STK17B: variants seen among roughly 807,000 people sequenced by gnomAD.
The protein encoded by STK17B is serine/threonine-protein kinase 17B.
STK17B carries 21 observed loss-of-function variants against 42.0 expected under a neutral mutation model. The ratio of observed to expected loss-of-function variants is 0.50; its 90% CI spans 0.35 to 0.72. The LOEUF (loss-of-function observed/expected upper bound fraction) is 0.72. STK17B is among the 30% of genes least tolerant of loss of function. STK17B has a pLI of 0.00. For missense variants in STK17B, 349 were observed against 446.0 expected, an observed-to-expected ratio of 0.78 and a Z score of 1.96; for synonymous variants, 143 against 148.4, an observed-to-expected ratio of 0.96 and a Z score of 0.26.
upstream of STK17B, chr2:196,174,511 CA>C (rs981682000): frequency 6.6e-6 from 1 of 152,288 alleles, no homozygotes; most frequent in Non-Finnish European, 1.5e-5. Flanking sequence ...GTGGAAAAGG[CA>C]AAACAAGCTC....
chr2:196,168,698 G>GA (rs1217784008), intron 1 of STK17B, among the ~76,000 whole-genome samples: 2 of 152,102 alleles, frequency 1.3e-5, no homozygotes, highest in African/African-American at 4.8e-5. Context: ...AAATGTTCTG[G>GA]AAAAAGGATA....
Position 196,167,862 on chromosome 2 carries a change from G to A in STK17B, c.-45+3471C>T, listed in dbSNP as rs548811602. ...CAAAGTAAGCCCGAAGATTCTAAGGGAAGCAACTCCTTTCTACATAGGCAT... is the reference window on the plus strand; with the variant it reads ...CAAAGTAAGCCCGAAGATTCTAAGGAAAGCAACTCCTTTCTACATAGGCAT... On this transcript the variant is annotated intron_variant, in intron 1 of 7. Coordinates refer to ENST00000263955, the MANE Select transcript of STK17B (RefSeq NM_004226.4). 4.6e-5 allele frequency among the ~76,000 whole-genome samples: 7 copies of A among 152,310 alleles called. No individual in the cohort carries two copies. In the South Asian group the frequency reaches 1.4e-3, roughly 32 times the overall value.
intron 1 of STK17B, among the ~76,000 whole-genome samples, chr2:196,169,101 G>A (rs1699906281): frequency 1.6e-5 from 2 of 128,664 alleles, no homozygotes; most frequent in Admixed American, 8.9e-5. Flanking sequence ...TTTTGAGACG[G>A]AGTCTCCCTC....
At position 196,133,901 on chromosome 2, in the gene STK17B, A is replaced by T. The variant is rs934658261; in HGVS notation, c.*3546T>A. On this transcript the variant is annotated 3_prime_UTR_variant, in exon 8 of 8. Coordinates refer to ENST00000263955, the MANE Select transcript of STK17B (RefSeq NM_004226.4). The stretch of plus-strand genomic sequence containing the variant: ...TTAAAATACTTTTATAAAATTATAA[A>T]TTGATAATAATCCCCCCAAACTGAA... The T allele has an allele frequency of 2.6e-5, 4 of 152,234 alleles. No homozygotes were observed. Among genetic ancestry groups the T allele is most frequent in the Non-Finnish European group, 2.9e-5 (2 of 68,038 alleles). The allele number at this position is 152,234 out of a possible 1,614,324, so 9.4% of individuals were successfully genotyped here. A position where few individuals can be genotyped will look rare whatever the true frequency, so the allele number is the denominator to read the frequency against.
At chr2:196,148,619 T>C (rs952124948) in intron 3 of STK17B, among the ~76,000 whole-genome samples, 1 of 152,130 alleles carries the variant, frequency 6.6e-6, no homozygotes, top group Admixed American at 6.5e-5. Flanking sequence ...GAAAACAGTA[T>C]AAAATATGAA....
intron 2 of STK17B, among the ~76,000 whole-genome samples, chr2:196,161,472 T>C (rs1473224528): frequency 6.6e-6 from 1 of 151,716 alleles, no homozygotes; most frequent in Non-Finnish European, 1.5e-5. Context: ...AATGTGCTTT[T>C]GTATTTAATT....
At chr2:196,159,573 A>G (rs1441195425) in intron 2 of STK17B, among the ~76,000 whole-genome samples, 4 of 152,106 alleles carry the variant, frequency 2.6e-5, no homozygotes, top group Non-Finnish European at 5.9e-5. Context: ...CAGCCTCCCA[A>G]AGTGTTGAAA....
intron 7 of STK17B, 117 bp from the exon 8 acceptor site, chr2:196,137,846 G>C (rs1238034643): frequency 1.7e-6 from 2 of 1,148,930 alleles, no homozygotes; most frequent in Non-Finnish European, 2.4e-6. Context: ...CATACTCATA[G>C]TATAAAATCC....
At chr2:196,168,806 G>A (rs1422515049) in intron 1 of STK17B, among the ~76,000 whole-genome samples, 2 of 152,072 alleles carry the variant, frequency 1.3e-5, no homozygotes, top group Admixed American at 1.3e-4. Context: ...TTTCTTAACT[G>A]AAATATTCAA....
Position 196,137,233 on chromosome 2 carries a change from A to T in STK17B, c.*214T>A. On this transcript the variant is annotated 3_prime_UTR_variant, in exon 8 of 8. Coordinates refer to ENST00000263955, the MANE Select transcript of STK17B (RefSeq NM_004226.4). ...TGTACAATTTTACTTTTTGTCATAT[A>T]TTTAAATATTTTCTTATCTGCAGAG... The T allele has an allele frequency of 2.0e-6, 1 of 491,324 alleles. No individual in the cohort carries two copies. The highest frequency in any genetic ancestry group is 3.5e-6 in the Non-Finnish European group (1 of 286,756). 30.4% of individuals were successfully genotyped at this position (491,324 alleles called of 1,614,324 possible). A position where few individuals can be genotyped will look rare whatever the true frequency, so the allele number is the denominator to read the frequency against.
At chr2:196,140,577 C>CCTTTTTTTTTTTTTTTTTTTTTT (rs1334737441) in intron 6 of STK17B, among the ~76,000 whole-genome samples, 1 of 101,478 alleles carries the variant, frequency 9.9e-6, no homozygotes, top group Non-Finnish European at 1.9e-5. Flanking sequence ...CTTCTTCTAG[C>CCTTTTTTTTTTTTTTTTTTTTTT]TTTTTTTTTT....
intron 1 of STK17B, among the ~76,000 whole-genome samples, chr2:196,167,258 G>A (rs1358857914): frequency 1.3e-5 from 2 of 152,126 alleles, no homozygotes; most frequent in Non-Finnish European, 2.9e-5. Context: ...AATGTAACAT[G>A]TTAGATTGCA....
At chr2:196,148,869 G>C (rs1699620923) in intron 3 of STK17B, among the ~76,000 whole-genome samples, 1 of 152,162 alleles carries the variant, frequency 6.6e-6, no homozygotes, top group Non-Finnish European at 1.5e-5. Flanking sequence ...CCAGTGCCTA[G>C]GAAGAGACAG....
rs1446255982 is a variant in STK17B at position 196,137,512 on chromosome 2, T to C, written c.1054A>G (p.Lys352Glu). 1 of 1,614,154 alleles carries C rather than the reference T, an allele frequency of 6.2e-7. No individual in the cohort carries two copies. The highest frequency in any genetic ancestry group is 8.5e-7 in the Non-Finnish European group (1 of 1,180,002). The change falls in exon 8 of 8, where the codon AAA becomes GAA. Residue 352 changes from lysine to glutamate, a missense_variant. Lys to Glu is a moderately conservative substitution (Grantham distance 56, BLOSUM62 1). Coordinates refer to ENST00000263955, the MANE Select transcript of STK17B (RefSeq NM_004226.4). ...AATGAGTCATCGAAACGAAATCTTT[T>C]GGAAACCATGCTGCTATCCTCTGGG... ...NIPEDSSMVS[K>E]RFRFDDSLPN...
chr2:196,170,690 C>T (rs1291133995), intron 1 of STK17B: 3 of 152,228 alleles, frequency 2.0e-5, no homozygotes, highest in African/African-American at 7.2e-5. Flanking sequence ...GAGTCGTGCA[C>T]ACTAAGTGGG....
chr2:196,140,135 T>G (rs182369198), intron 6 of STK17B, among the ~76,000 whole-genome samples: 1 of 152,336 alleles, frequency 6.6e-6, no homozygotes, highest in Non-Finnish European at 1.5e-5. Flanking sequence ...AAGTAATGAC[T>G]TGTGAGATGT....
chr2:196,169,972 A>G (rs116543667), intron 1 of STK17B, among the ~76,000 whole-genome samples: 2,733 of 152,338 alleles, frequency 0.018, 39 homozygotes, highest in Admixed American at 0.03. Context: ...AAGATACTAG[A>G]AAAAGTTTAA....
At chr2:196,161,653 G>C (rs1699814212) in intron 2 of STK17B, among the ~76,000 whole-genome samples, 1 of 151,048 alleles carries the variant, frequency 6.6e-6, no homozygotes, top group African/African-American at 2.4e-5. Context: ...TGAGTAGCTG[G>C]GACTACAGGC....
chr2:196,141,151 A>G, intron 6 of STK17B, 98 bp downstream of exon 6: 1 of 821,212 alleles, frequency 1.2e-6, no homozygotes, highest in South Asian at 1.7e-5. Flanking sequence ...TCTTTTGAAG[A>G]AAGCCTTATT....
Sources: allele counts gnomAD v4.1 joint callset (sites outside exome capture counted in the v4.1 genomes callset), GRCh38; gene constraint gnomAD v4.1.1; transcripts MANE v1.5; gene names NCBI Gene and HGNC (gene_info 2026-07-23, HGNC 2026-07-21).